BOP1: variants seen among roughly 807,000 people sequenced by gnomAD.
BOP1 encodes the protein BOP1 ribosomal biogenesis factor.
In BOP1, 54 loss-of-function variants were observed where a neutral mutation model predicts 82.9. The ratio of observed to expected loss-of-function variants is 0.65; its 90% confidence interval spans 0.52 to 0.82. The LOEUF is 0.82. Among genes scored for constraint, BOP1 ranks in the 40% least tolerant of loss-of-function variants. BOP1 has a pLI of 0.00. For missense variants in BOP1, 1,170 were observed against 1,072.0 expected (o/e 1.09, Z -1.28); for synonymous variants, 566 against 451.1 (o/e 1.25, Z -3.23).
intron 2 of BOP1, among the ~76,000 whole-genome samples, chr8:144,280,947 CCAGGTCTTTGGCCTTCTCTCACTTTA>C (rs1845660150): frequency 6.7e-6 from 1 of 150,246 alleles, no homozygotes; most frequent in Non-Finnish European, 1.5e-5. Context: ...CAGTTTAATA[CCAGGTCTTTGGCCTTCTCTCACTTTA>C]ATACCAGGTC....
intron 4 of BOP1, 29 bp from the exon 5 acceptor site, chr8:144,264,860 C>T: frequency 6.2e-7 from 1 of 1,608,458 alleles, no homozygotes; most frequent in African/African-American, 1.3e-5. Context: ...ACCCCGCCAG[C>T]CCTGCCCCAC....
chr8:144,262,510 G>A lies in BOP1; in HGVS notation c.1980-7C>T. 1 of 1,613,026 alleles carries A rather than the reference G, an allele frequency of 6.2e-7. No homozygotes were observed. The highest frequency in any genetic ancestry group is 8.5e-7 in the Non-Finnish European group (1 of 1,179,806). ...CAGAGCCTTCTTGTGGTGTCTGGGGGGAGGGAACCAGGTTGAAGGCAGGCT... is the reference window on the plus strand; with the variant it reads ...CAGAGCCTTCTTGTGGTGTCTGGGGAGAGGGAACCAGGTTGAAGGCAGGCT... On this transcript the variant is annotated splice_region_variant and splice_polypyrimidine_tract_variant and intron_variant, in intron 14 of 15. Coordinates refer to ENST00000569669, the MANE Select transcript of BOP1 (RefSeq NM_015201.5).
intron 3 of BOP1, chr8:144,267,045 C>T (rs1364240014): frequency 8.7e-5 from 132 of 1,509,164 alleles, no homozygotes; most frequent in Non-Finnish European, 1.1e-4. Context: ...AGCCCTGCCA[C>T]TCCGGGCCCG....
rs927570677 is a variant in BOP1, at chr8:144,273,152, G to T, written c.390+3072C>A. On this transcript the variant is annotated intron_variant, in intron 3 of 15. Coordinates refer to ENST00000569669, the MANE Select transcript of BOP1 (RefSeq NM_015201.5). ...GCAGCGACGCAAGCCTGAGTGCGCG[G>T]GGCCAGGACGCGGGGGCGGGGGCGG... Among the ~76,000 whole-genome samples the T allele has an allele frequency of 7.9e-5, 12 of 152,282 alleles. No individual in the cohort carries two copies. The South Asian group carries it at 2.3e-3, about 29-fold the overall frequency.
At chr8:144,264,659 C>T (rs1845315531) in intron 5 of BOP1, 43 bp from the exon 6 acceptor site, 9 of 1,568,152 alleles carry the variant, frequency 5.7e-6, no homozygotes, top group Non-Finnish European at 7.8e-6. Flanking sequence ...GTGGCTGAGG[C>T]CCTGCTGGTG....
At chr8:144,288,424 A>G (rs1461061605) in intron 2 of BOP1, among the ~76,000 whole-genome samples, 1 of 150,538 alleles carries the variant, frequency 6.6e-6, no homozygotes, top group African/African-American at 2.4e-5. Context: ...GCTACTAGAG[A>G]GGCTGAGGCA....
intron 3 of BOP1, chr8:144,267,211 G>A (rs1349997000): frequency 3.8e-5 from 56 of 1,487,996 alleles, no homozygotes; most frequent in Middle Eastern, 2.0e-4. Context: ...GCCGAGGGGG[G>A]CCTCCAACGC....
At chr8:144,289,682 T>C (rs1814978855) in intron 1 of BOP1, among the ~76,000 whole-genome samples, 1 of 152,148 alleles carries the variant, frequency 6.6e-6, no homozygotes, top group Non-Finnish European at 1.5e-5. Context: ...TGGACTCCAC[T>C]GGGTCCCTCA....
Position 144,267,144 on chromosome 8 carries a change from G to C in BOP1, c.391-2073C>G, listed in dbSNP as rs1392955837. 6.2e-5 allele frequency: 95 copies of C among 1,531,428 alleles called. No individual in the cohort carries two copies. The East Asian group carries it at 2.3e-3, about 37-fold the overall frequency. The allele number at this position is 1,531,428 out of a possible 1,614,324, so 94.9% of individuals were successfully genotyped here. A position where few individuals can be genotyped will look rare whatever the true frequency, so the allele number is the denominator to read the frequency against. ...ACGGCGAGAACACCCAGCCCAAACA[G>C]ATCTGCACCTTCTGCCTCAGCAACC... On this transcript the variant is annotated intron_variant, in intron 3 of 15. Transcript: ENST00000569669.
intron 3 of BOP1, chr8:144,268,527 G>GC (rs2130217496): frequency 3.4e-6 from 1 of 292,066 alleles, no homozygotes; most frequent in East Asian, 8.9e-5. Context: ...TCCACCCCCA[G>GC]CCCCCAGCCT....
At chr8:144,290,137 T>G (rs10093866) in intron 1 of BOP1, among the ~76,000 whole-genome samples, 1 of 151,900 alleles carries the variant, frequency 6.6e-6, no homozygotes, top group Non-Finnish European at 1.5e-5. Flanking sequence ...GGCGGGTGGA[T>G]CACCTGAGGT....
rs894675637 is a variant in BOP1 at position 144,264,024 on chromosome 8, C to T, written c.1097G>A (p.Arg366His). ...TGGGCACAGGTACAGGTCAAGGCAG[C>T]GCTCGAAGCGTTCCTGGATGAAGCG... ...YGRFIQERFE[R>H]CLDLYLCPRQ... The change falls in exon 8 of 16, where the codon CGC becomes CAC. Residue 366 changes from arginine to histidine, a missense_variant. Transcript: ENST00000569669. 27 of 1,608,374 alleles carry T rather than the reference C, an allele frequency of 1.7e-5. No individual in the cohort carries two copies. Among genetic ancestry groups the T allele is most frequent in the East Asian group, 4.5e-5 (2 of 44,892 alleles).
Position 144,262,494 on chromosome 8 carries a change from C to T in BOP1, c.1989G>A (p.Lys663=). The T allele has an allele frequency of 1.2e-6, 2 of 1,612,832 alleles. No homozygotes were observed. Among genetic ancestry groups the T allele is most frequent in the African/African-American group, 1.3e-5 (1 of 74,988 alleles). The change falls in exon 15 of 16, where the codon AAG becomes AAA. Residue 663 remains lysine, a synonymous_variant. Transcript: ENST00000569669. ...TKPYRMLRHH[K]KALRAVAFHP... ...GGAAGGCCACAGCCCGCAGAGCCTT[C>T]TTGTGGTGTCTGGGGGGAGGGAACC...
rs926824370 is a variant in BOP1, at chr8:144,266,246, G to A, written c.391-1175C>T. On this transcript the variant is annotated intron_variant, in intron 3 of 15. Transcript: ENST00000569669. Reference sequence around the variant, plus strand: ...CCCTGAGTAACTACAGCCCAGAAGCGACCTCCCAGTTCCTCCGCATCCCCA... The same window carrying A: ...CCCTGAGTAACTACAGCCCAGAAGCAACCTCCCAGTTCCTCCGCATCCCCA... 4.5e-4 allele frequency among the ~76,000 whole-genome samples: 69 copies of A among 152,188 alleles called. 1 individual carries two copies. Among genetic ancestry groups the A allele is most frequent in the Middle Eastern group, 3.4e-3 (1 of 294 alleles).
At chr8:144,276,767 CG>C (rs1243059322) in intron 2 of BOP1, among the ~76,000 whole-genome samples, 1 of 152,194 alleles carries the variant, frequency 6.6e-6, no homozygotes, top group Non-Finnish European at 1.5e-5. Context: ...GAGACGCAGC[CG>C]TCGCAGCAGG....
At chr8:144,283,106 G>A (rs145948054) in intron 2 of BOP1, among the ~76,000 whole-genome samples, 18,551 of 147,846 alleles carry the variant, frequency 0.13, 1,336 homozygotes, top group Non-Finnish European at 0.16. Context: ...GTTGAGGCAC[G>A]AGAATCGCTT....
intron 2 of BOP1, among the ~76,000 whole-genome samples, chr8:144,282,886 G>A (rs193166978): frequency 5.0e-4 from 76 of 152,144 alleles, no homozygotes; most frequent in Non-Finnish European, 8.4e-4. Context: ...GCAAATGCTC[G>A]TTGTTGAAAG....
chr8:144,288,326 G>A (rs900653036), intron 2 of BOP1, among the ~76,000 whole-genome samples: 2 of 146,774 alleles, frequency 1.4e-5, no homozygotes, highest in Non-Finnish European at 3.0e-5. Flanking sequence ...TCAGGAAATC[G>A]AGACCAGCCT....
In BOP1 at chr8:144,267,737, C is replaced by T. The variant is rs895209130; in HGVS notation, c.391-2666G>A. ...CAGAGGCTGGCAGGAGATGTGGGGG[C>T]TGGGGGTGAGGGCCCCTGCAGGAGA... On this transcript the variant is annotated intron_variant, in intron 3 of 15. Transcript: ENST00000569669. Among the ~76,000 whole-genome samples, 122 of 152,108 alleles carry T rather than the reference C, an allele frequency of 8.0e-4. 3 individuals carry two copies. In the East Asian group the frequency reaches 0.023, roughly 29 times the overall value.
Sources: gnomAD v4.1 joint callset for allele counts (sites outside exome capture counted in the v4.1 genomes callset) on GRCh38, gnomAD v4.1.1 for gene constraint, MANE v1.5 for transcripts, NCBI Gene and HGNC (gene_info 2026-07-23, HGNC 2026-07-21) for gene names.